The following CNTNAP2 variants were observed in gnomAD, a reference collection of about 807,000 sequenced individuals.
The protein encoded by CNTNAP2 is contactin-associated protein-like 2.
Under a neutral mutation model 155.2 loss-of-function variants are expected in CNTNAP2, and 98 were observed. The observed-to-expected ratio is 0.63, with a 90% CI of 0.54 to 0.75. CNTNAP2 has a LOEUF of 0.75. Ranked by LOEUF, CNTNAP2 falls within the 30% of genes least tolerant of loss-of-function variation. CNTNAP2 has a pLI of 0.00. For missense variants in CNTNAP2, 1,727 were observed against 1,688.1 expected (o/e 1.02, Z -0.40); for synonymous variants, 651 against 631.2 (o/e 1.03, Z -0.47).
At chr7:148,121,046 A>AT (rs961550441) in intron 16 of CNTNAP2, among the ~76,000 whole-genome samples, 24 of 150,260 alleles carry the variant, frequency 1.6e-4, no homozygotes, top group Non-Finnish European at 2.1e-4. Flanking sequence ...ATTTTTTTTT[A>AT]TTTTTTTTTA....
intron 1 of CNTNAP2, among the ~76,000 whole-genome samples, chr7:146,676,019 G>T (rs1800392375): frequency 6.6e-6 from 1 of 152,010 alleles, no homozygotes; most frequent in South Asian, 2.1e-4. Context: ...ATAACATTTG[G>T]ATTCTTTTGG....
At chr7:146,882,556 G>T (rs1411877451) in intron 3 of CNTNAP2, among the ~76,000 whole-genome samples, 55 of 151,984 alleles carry the variant, frequency 3.6e-4, no homozygotes, top group Admixed American at 3.6e-3. Context: ...TGAAGGATGT[G>T]TTTGCTTCCC....
intron 16 of CNTNAP2, among the ~76,000 whole-genome samples, chr7:148,143,991 G>A (rs1419523930): frequency 1.3e-5 from 2 of 152,174 alleles, no homozygotes; most frequent in Non-Finnish European, 2.9e-5. Context: ...TGTGGGCCTT[G>A]GGTAGGGCTG....
intron 8 of CNTNAP2, among the ~76,000 whole-genome samples, chr7:147,135,106 G>C (rs576356676): frequency 6.7e-4 from 101 of 151,768 alleles, no homozygotes; most frequent in African/African-American, 2.3e-3. Flanking sequence ...ACTGTTCTTT[G>C]GGAATTAATT....
At chr7:146,560,833 C>T (rs1251248978) in intron 1 of CNTNAP2, among the ~76,000 whole-genome samples, 2 of 152,116 alleles carry the variant, frequency 1.3e-5, no homozygotes, top group Non-Finnish European at 2.9e-5. Flanking sequence ...ACATACTCTT[C>T]TGTCATTATC....
At chr7:147,635,283 T>A (rs1008587385) in intron 12 of CNTNAP2, among the ~76,000 whole-genome samples, 93 of 151,476 alleles carry the variant, frequency 6.1e-4, no homozygotes, top group African/African-American at 2.1e-3. Flanking sequence ...TTTTTTTTTT[T>A]AATCGAATTT....
At chr7:147,017,745 T>C (rs1477068903) in intron 3 of CNTNAP2, among the ~76,000 whole-genome samples, 1 of 152,024 alleles carries the variant, frequency 6.6e-6, no homozygotes, top group Non-Finnish European at 1.5e-5. Context: ...TGTACAAATA[T>C]AAAGTGAGCA....
At chr7:146,236,830 C>T (rs1799482362) in intron 1 of CNTNAP2, among the ~76,000 whole-genome samples, 2 of 151,416 alleles carry the variant, frequency 1.3e-5, no homozygotes, top group Non-Finnish European at 2.9e-5. Flanking sequence ...TAATTAGTCT[C>T]CTGGAAATTC....
At chr7:148,052,333 A>C (rs542845651) in intron 15 of CNTNAP2, among the ~76,000 whole-genome samples, 125 of 149,830 alleles carry the variant, frequency 8.3e-4, no homozygotes, top group Non-Finnish European at 1.6e-3. Flanking sequence ...AACTAGCAAC[A>C]AAAAGTAAAA....
At chr7:147,517,814 GT>G (rs889590873) in intron 11 of CNTNAP2, among the ~76,000 whole-genome samples, 1 of 91,036 alleles carries the variant, frequency 1.1e-5, no homozygotes, top group East Asian at 3.3e-4. Context: ...GGAATTAACA[GT>G]TTTTTAGCCA....
rs377647511 is a variant in CNTNAP2 at position 147,835,652 on chromosome 7, C to G, written c.2099-67913C>G. ...TGCCCCAAAAAGATATGTCCAAGTT[C>G]TCATCCCTGGTACCTGTGAACATGA... On this transcript the variant is annotated intron_variant, in intron 13 of 23. Transcript: ENST00000361727. Among the ~76,000 whole-genome samples the G allele has an allele frequency of 3.2e-4, 48 of 152,258 alleles. 1 individual carries two copies. The highest frequency in any genetic ancestry group is 1.0e-3 in the African/African-American group (42 of 41,540).
At chr7:148,324,522 G>A (rs1306230623) in intron 21 of CNTNAP2, among the ~76,000 whole-genome samples, 1 of 152,168 alleles carries the variant, frequency 6.6e-6, no homozygotes, top group African/African-American at 2.4e-5. Flanking sequence ...CTGAGGTCGG[G>A]CGCAGCGGCT....
At chr7:147,480,758 T>C (rs1798407467) in intron 10 of CNTNAP2, among the ~76,000 whole-genome samples, 1 of 152,138 alleles carries the variant, frequency 6.6e-6, no homozygotes, top group Non-Finnish European at 1.5e-5. Flanking sequence ...AGCAACTGCA[T>C]TCTCCTTTGA....
At chr7:147,794,549 T>C (rs532447860) in intron 13 of CNTNAP2, among the ~76,000 whole-genome samples, 1 of 152,068 alleles carries the variant, frequency 6.6e-6, no homozygotes, top group Non-Finnish European at 1.5e-5. Context: ...TGCTAGCATT[T>C]CATTGAAGTT....
chr7:147,834,051 T>C (rs1444781902), intron 13 of CNTNAP2, among the ~76,000 whole-genome samples: 2 of 152,240 alleles, frequency 1.3e-5, no homozygotes, highest in Non-Finnish European at 2.9e-5. Flanking sequence ...TTACTTTTTC[T>C]TTCCACACTA....
At position 146,906,743 on chromosome 7, in the gene CNTNAP2, A is replaced by G. The variant is rs1032718693; in HGVS notation, c.402+66839A>G. 1.5e-4 allele frequency among the ~76,000 whole-genome samples: 23 copies of G among 152,234 alleles called. 1 individual carries two copies. Among genetic ancestry groups the G allele is most frequent in the African/African-American group, 4.8e-4 (20 of 41,534 alleles). Reference sequence around the variant, plus strand: ...AACTGGAAACTCTAAAACGCAGAACACCTCTCCTCCTCCAAAGGAACGCAG... The same window carrying G: ...AACTGGAAACTCTAAAACGCAGAACGCCTCTCCTCCTCCAAAGGAACGCAG... On this transcript the variant is annotated intron_variant, in intron 3 of 23. Coordinates refer to ENST00000361727, the MANE Select transcript of CNTNAP2 (RefSeq NM_014141.6).
chr7:147,904,784 G>A (rs978565453), intron 14 of CNTNAP2, among the ~76,000 whole-genome samples: 3 of 152,138 alleles, frequency 2.0e-5, no homozygotes, highest in African/African-American at 4.8e-5. Context: ...GGCTTAGAAT[G>A]TGTGTGTATA....
chr7:147,403,024 G>A (rs1447697533), intron 10 of CNTNAP2, among the ~76,000 whole-genome samples: 1 of 150,220 alleles, frequency 6.7e-6, no homozygotes, highest in African/African-American at 2.4e-5. Context: ...CCTTAAGACT[G>A]ATAGAATAGT....
intron 15 of CNTNAP2, among the ~76,000 whole-genome samples, chr7:148,107,671 C>G (rs1585129208): frequency 1.3e-5 from 2 of 152,194 alleles, no homozygotes; most frequent in South Asian, 4.1e-4. Flanking sequence ...CTCAAATTTG[C>G]ATGCAAATGA....
Sources: allele counts gnomAD v4.1 joint callset (sites outside exome capture counted in the v4.1 genomes callset), GRCh38; gene constraint gnomAD v4.1.1; transcripts MANE v1.5; gene names NCBI Gene and HGNC (gene_info 2026-07-23, HGNC 2026-07-21).